The following DAB1 variants were observed in gnomAD, a reference collection of about 807,000 sequenced individuals.
DAB1 encodes disabled homolog 1.
DAB1 carries 15 observed loss-of-function variants against 64.6 expected under a neutral mutation model. The ratio of observed to expected loss-of-function variants is 0.23; its 90% CI spans 0.16 to 0.36. DAB1 has a LOEUF of 0.36. Among genes scored for constraint, DAB1 ranks in the 10% least tolerant of loss-of-function variants. The probability of loss-of-function intolerance (pLI) is 1.00; values close to 1 mark genes in which losing one functional copy is unlikely to be tolerated. For synonymous variants in DAB1, 235 were observed against 251.9 expected (o/e 0.93, Z 0.64); for missense variants, 596 against 706.7 (o/e 0.84, Z 1.78).
At chr1:57,671,826 C>T (rs1646513329) in intron 6 of DAB1, among the ~76,000 whole-genome samples, 1 of 152,066 alleles carries the variant, frequency 6.6e-6, no homozygotes, top group African/African-American at 2.4e-5. Flanking sequence ...TCCTCTCATG[C>T]TCTGATATTA....
intron 4 of DAB1, among the ~76,000 whole-genome samples, chr1:58,198,847 C>T (rs981326939): frequency 2.0e-5 from 3 of 152,104 alleles, no homozygotes; most frequent in Non-Finnish European, 4.4e-5. Flanking sequence ...CAGTGGCTCA[C>T]ATCTGTAATC....
chr1:57,278,962 T>C (rs982501550), intron 2 of DAB1, among the ~76,000 whole-genome samples: 3 of 152,210 alleles, frequency 2.0e-5, no homozygotes, highest in African/African-American at 7.2e-5. Flanking sequence ...GCCTGATACT[T>C]AGCAATTGCT....
rs151335341 is a variant in DAB1 at position 58,016,411 on chromosome 1, G to T, written n.388-132249C>A. ...TGTGTCTTGTTACTTGCAGCCCACGGCATGTTAAGTGATACGAGGATGATT... is the reference window on the plus strand; with the variant it reads ...TGTGTCTTGTTACTTGCAGCCCACGTCATGTTAAGTGATACGAGGATGATT... On this transcript the variant is annotated intron_variant and non_coding_transcript_variant, in intron 5 of 20. Transcript: ENST00000485760. Among the ~76,000 whole-genome samples the T allele has an allele frequency of 1.4e-3, 214 of 152,274 alleles. No homozygotes were observed. The Middle Eastern group carries it at 0.017, about 12-fold the overall frequency.
intron 3 of DAB1, among the ~76,000 whole-genome samples, chr1:58,419,493 C>T (rs547296749): frequency 5.9e-5 from 9 of 152,324 alleles, no homozygotes; most frequent in African/African-American, 1.9e-4. Flanking sequence ...AAACCACTCT[C>T]ATTTCAATGT....
chr1:57,437,542 C>G (rs1685740245), intron 7 of DAB1, among the ~76,000 whole-genome samples: 1 of 152,078 alleles, frequency 6.6e-6, no homozygotes, highest in South Asian at 2.1e-4. Context: ...GTAATTTGAA[C>G]TGTAATTCTT....
At chr1:57,714,086 A>G (rs1218200178) in intron 6 of DAB1, among the ~76,000 whole-genome samples, 1 of 152,206 alleles carries the variant, frequency 6.6e-6, no homozygotes, top group Non-Finnish European at 1.5e-5. Flanking sequence ...GATGATAAAC[A>G]AATACAATAA....
At chr1:57,848,345 T>A (rs1653377553) in intron 1 of DAB1, among the ~76,000 whole-genome samples, 1 of 152,164 alleles carries the variant, frequency 6.6e-6, no homozygotes, top group Non-Finnish European at 1.5e-5. Flanking sequence ...TGTAAACCAA[T>A]CATAAAAATG....
intron 1 of DAB1, among the ~76,000 whole-genome samples, chr1:57,320,901 C>T (rs552471570): frequency 5.4e-4 from 82 of 152,152 alleles, no homozygotes; most frequent in African/African-American, 1.9e-3. Flanking sequence ...ATGATGAAGC[C>T]GAAATTTAAA....
chr1:57,268,549 T>C (rs1160968472), intron 2 of DAB1, among the ~76,000 whole-genome samples: 1 of 152,172 alleles, frequency 6.6e-6, no homozygotes, highest in Non-Finnish European at 1.5e-5. Context: ...TTAATAAGTG[T>C]GTGACATCCT....
At chr1:57,546,100 C>T (rs1044716095) in intron 7 of DAB1, among the ~76,000 whole-genome samples, 5 of 146,230 alleles carry the variant, frequency 3.4e-5, no homozygotes, top group African/African-American at 1.3e-4. Flanking sequence ...TGTGTGTGTG[C>T]GCGCACGTGT....
chr1:57,151,877 G>C (rs112331027), intron 2 of DAB1, among the ~76,000 whole-genome samples: 1 of 135,372 alleles, frequency 7.4e-6, no homozygotes, highest in African/African-American at 2.9e-5. Flanking sequence ...GCAGTAGCTC[G>C]ATCTCTGCTC....
At chr1:57,021,764 T>C (rs1232120610) in intron 11 of DAB1, among the ~76,000 whole-genome samples, 1 of 152,102 alleles carries the variant, frequency 6.6e-6, no homozygotes, top group Non-Finnish European at 1.5e-5. Flanking sequence ...TAAAATTGCA[T>C]CTAGTCCCAT....
chr1:58,027,861 A>G (rs1379273275), intron 5 of DAB1, among the ~76,000 whole-genome samples: 2 of 152,218 alleles, frequency 1.3e-5, no homozygotes, highest in South Asian at 2.1e-4. Flanking sequence ...ACCTAGAAAT[A>G]AGGAGCAAAT....
chr1:57,257,628 A>G (rs985066738), intron 2 of DAB1, among the ~76,000 whole-genome samples: 1 of 151,996 alleles, frequency 6.6e-6, no homozygotes, highest in African/African-American at 2.4e-5. Flanking sequence ...ATTCCCCCAA[A>G]CTTGGTGGCC....
At chr1:58,473,794 T>C in intron 3 of DAB1, 1 of 556,486 alleles carries the variant, frequency 1.8e-6, no homozygotes, top group Non-Finnish European at 3.2e-6. Flanking sequence ...CCAAGAACGC[T>C]CTGCAGAGAA....
At position 58,201,252 on chromosome 1, in the gene DAB1, G is replaced by A. The variant is rs1044613717; in HGVS notation, n.310-50664C>T. On this transcript the variant is annotated intron_variant and non_coding_transcript_variant, in intron 4 of 20. Transcript: ENST00000485760. ...AGGATGGTCTCGATCTCCTGACCTC[G>A]TGATCTGCCTGCCTTGGCCTCCCAA... Among the ~76,000 whole-genome samples the A allele has an allele frequency of 5.9e-5, 9 of 152,028 alleles. No individual in the cohort carries two copies. In the East Asian group the frequency reaches 1.5e-3, roughly 26 times the overall value.
At chr1:57,972,760 G>A (rs765454761) in intron 5 of DAB1, among the ~76,000 whole-genome samples, 1 of 152,230 alleles carries the variant, frequency 6.6e-6, no homozygotes, top group Non-Finnish European at 1.5e-5. Context: ...GTCACTGGGA[G>A]CATCTCTTGA....
rs111527125 is a variant in DAB1 at position 57,298,041 on chromosome 1, A to G, written c.-136-6875T>C. Among the ~76,000 whole-genome samples, 661 of 152,134 alleles carry G rather than the reference A, an allele frequency of 4.3e-3. 4 individuals carry two copies. The highest frequency in any genetic ancestry group is 0.015 in the African/African-American group (642 of 41,502). The stretch of plus-strand genomic sequence containing the variant: ...CCCCTGGACCACTGCAGGTTCCTTT[A>G]ATTACTCAGCCTAAGTAGGCCTTTT... On this transcript the variant is annotated intron_variant, in intron 1 of 14. Coordinates refer to ENST00000371236, the MANE Select transcript of DAB1 (RefSeq NM_001365792.1).
chr1:57,434,154 G>T (rs1414350370), intron 7 of DAB1, among the ~76,000 whole-genome samples: 1 of 152,042 alleles, frequency 6.6e-6, no homozygotes, highest in African/African-American at 2.4e-5. Context: ...TTACCCAAGA[G>T]AAATAAAACA....
Sources: gnomAD v4.1 joint callset for allele counts (sites outside exome capture counted in the v4.1 genomes callset) on GRCh38, gnomAD v4.1.1 for gene constraint, MANE v1.5 for transcripts, NCBI Gene and HGNC (gene_info 2026-07-23, HGNC 2026-07-21) for gene names.